Variants in AKAP7 observed in about 807,000 individuals in gnomAD.
AKAP7 encodes the protein A-kinase anchoring protein 7, also known as A kinase (PRKA) anchor protein 7.
Under a neutral mutation model 39.5 loss-of-function variants are expected in AKAP7, and 39 were observed. That is an observed-to-expected ratio of 0.99 (90% CI 0.76 to 1.29). The LOEUF (loss-of-function observed/expected upper bound fraction) is 1.29, where lower values mean the gene tolerates loss of function less well. AKAP7 is among the 50% of genes most tolerant of loss of function. The pLI is 0.00. For synonymous variants in AKAP7, 140 were observed against 139.1 expected (o/e 1.01, Z -0.05); for missense variants, 414 against 407.7 (o/e 1.02, Z -0.13).
chr6:131,197,203 G>A (rs890026528), intron 5 of AKAP7, among the ~76,000 whole-genome samples: 7 of 151,880 alleles, frequency 4.6e-5, no homozygotes, highest in Non-Finnish European at 8.8e-5. Flanking sequence ...TGGTCATATG[G>A]TTATTTATCA....
At chr6:131,243,721 C>A (rs1215278469) in intron 7 of AKAP7, among the ~76,000 whole-genome samples, 1 of 152,146 alleles carries the variant, frequency 6.6e-6, no homozygotes, top group Admixed American at 6.6e-5. Context: ...TGAGAGCATT[C>A]CACATAAAGA....
chr6:131,281,719 G>A lies in AKAP7; in HGVS notation c.1040G>A (p.Arg347Lys). ...AATGGCAATGACAATGAGAACAACAGGAAATGAGCCCGGAACGCAGGCCCC... is the reference window on the plus strand; with the variant it reads ...AATGGCAATGACAATGAGAACAACAAGAAATGAGCCCGGAACGCAGGCCCC... ...DQNGNDNENN[R>K]K The change falls in exon 8 of 8, where the codon AGG becomes AAG. Residue 347 changes from arginine to lysine, a missense_variant. Arg to Lys is a conservative substitution (Grantham distance 26). Transcript: ENST00000431975. The surrounding 1 kb of genome is among the most constrained non-coding windows in gnomAD (Gnocchi z 4.0). The A allele has an allele frequency of 2.5e-6, 4 of 1,601,992 alleles. No individual in the cohort carries two copies. The highest frequency in any genetic ancestry group is 2.2e-5 in the East Asian group (1 of 44,564).
intron 7 of AKAP7, among the ~76,000 whole-genome samples, chr6:131,275,989 CTTGA>C (rs1415504211): frequency 6.6e-6 from 1 of 152,162 alleles, no homozygotes; most frequent in Non-Finnish European, 1.5e-5. Flanking sequence ...CAAGGCTACT[CTTGA>C]TTTTCAGTTT....
At chr6:131,243,632 T>G (rs938442683) in intron 7 of AKAP7, among the ~76,000 whole-genome samples, 10 of 152,222 alleles carry the variant, frequency 6.6e-5, no homozygotes, top group African/African-American at 2.2e-4. Flanking sequence ...TATTTGAAGC[T>G]TGACATACCA....
chr6:131,140,896 G>A (rs182874516), intron 1 of AKAP7, among the ~76,000 whole-genome samples: 1 of 152,250 alleles, frequency 6.6e-6, no homozygotes, highest in East Asian at 1.9e-4. Flanking sequence ...TAGAAAAGAG[G>A]CATTTAACTT....
chr6:131,186,207 T>G (rs1805842035), intron 5 of AKAP7, among the ~76,000 whole-genome samples: 1 of 152,150 alleles, frequency 6.6e-6, no homozygotes, highest in South Asian at 2.1e-4. Flanking sequence ...GTGAGTGAGT[T>G]CTTGTGAGAT....
intron 7 of AKAP7, among the ~76,000 whole-genome samples, chr6:131,265,518 A>G (rs997453295): frequency 6.6e-6 from 1 of 152,184 alleles, no homozygotes. Flanking sequence ...GGGCTGAGCA[A>G]CTTTCACAGG....
chr6:131,130,335 C>T, the AKAP7 span, among the ~76,000 whole-genome samples: 2 of 152,188 alleles, frequency 1.3e-5, no homozygotes, highest in Admixed American at 1.3e-4. Flanking sequence ...TGGAGTTTCA[C>T]TCTTGTTGCC....
chr6:131,237,901 T>C (rs1811208012), intron 7 of AKAP7, among the ~76,000 whole-genome samples: 1 of 152,148 alleles, frequency 6.6e-6, no homozygotes, highest in Non-Finnish European at 1.5e-5. Context: ...GTGTCTCTAT[T>C]TCCTTCAGTT....
At chr6:131,223,338 A>G (rs950409216) in intron 7 of AKAP7, among the ~76,000 whole-genome samples, 2 of 152,204 alleles carry the variant, frequency 1.3e-5, no homozygotes, top group African/African-American at 4.8e-5. Flanking sequence ...ACATCCTGAA[A>G]GAATCTTAAT....
intron 5 of AKAP7, among the ~76,000 whole-genome samples, chr6:131,171,107 A>C (rs895007207): frequency 2.0e-5 from 3 of 152,176 alleles, no homozygotes; most frequent in African/African-American, 7.2e-5. Context: ...GAGTAGGAAG[A>C]ATTCATTCCT....
chr6:131,189,288 T>A (rs1806175091), intron 5 of AKAP7, among the ~76,000 whole-genome samples: 2 of 152,236 alleles, frequency 1.3e-5, no homozygotes, highest in Admixed American at 1.3e-4. Context: ...AAATTGAACC[T>A]TTGTAGTTTG....
intron 5 of AKAP7, among the ~76,000 whole-genome samples, chr6:131,181,832 T>C (rs62422444): frequency 6.6e-6 from 1 of 152,072 alleles, no homozygotes; most frequent in African/African-American, 2.4e-5. Flanking sequence ...ATCTTTTTTA[T>C]TTAAAAAAAA....
intron 7 of AKAP7, among the ~76,000 whole-genome samples, chr6:131,280,267 A>G (rs1228024746): frequency 2.0e-5 from 3 of 152,088 alleles, no homozygotes; most frequent in African/African-American, 4.8e-5. Flanking sequence ...GGTTCCCACT[A>G]TTAGTGTTTC....
chr6:131,279,701 A>C (rs1274694795), intron 7 of AKAP7, among the ~76,000 whole-genome samples: 1 of 152,202 alleles, frequency 6.6e-6, no homozygotes, highest in South Asian at 2.1e-4. Context: ...ATTGGACTCA[A>C]ATTCAACCCT....
chr6:131,268,302 G>T (rs182457015), intron 7 of AKAP7, among the ~76,000 whole-genome samples: 2 of 152,284 alleles, frequency 1.3e-5, no homozygotes, highest in South Asian at 2.1e-4. Flanking sequence ...GGAATTATCA[G>T]TTTCCATCAC....
At chr6:131,134,219 G>T (rs143731886), upstream of AKAP7, among the ~76,000 whole-genome samples, 884 of 152,204 alleles carry the variant, frequency 5.8e-3, 4 homozygotes, top group African/African-American at 0.02. Flanking sequence ...TGATCCACTC[G>T]CCTTGACCTC....
intron 7 of AKAP7, among the ~76,000 whole-genome samples, chr6:131,269,389 CTCAA>C (rs1249723010): frequency 6.6e-6 from 1 of 152,228 alleles, no homozygotes; most frequent in African/African-American, 2.4e-5. Context: ...AATTGCACCT[CTCAA>C]TCAGTTCTGC....
chr6:131,246,938 T>C (rs1178035751), intron 7 of AKAP7, among the ~76,000 whole-genome samples: 1 of 148,402 alleles, frequency 6.7e-6, no homozygotes, highest in Non-Finnish European at 1.5e-5. Flanking sequence ...GCCAGACAGA[T>C]TGAGTTCAGA....
Sources: gnomAD v4.1 joint callset for allele counts (sites outside exome capture counted in the v4.1 genomes callset) on GRCh38, gnomAD v4.1.1 for gene constraint, Gnocchi (gnomAD v3.1) non-coding constraint, MANE v1.5 for transcripts, NCBI Gene and HGNC (gene_info 2026-07-23, HGNC 2026-07-21) for gene names.